NCOA7: variants seen among roughly 807,000 people sequenced by gnomAD.
NCOA7 encodes the protein 140 kDa estrogen receptor-associated protein.
A neutral mutation model predicts 104.3 loss-of-function variants in NCOA7; 45 were observed. The observed-to-expected ratio is 0.43, with a 90% confidence interval of 0.34 to 0.55. The LOEUF (loss-of-function observed/expected upper bound fraction) is 0.55, where lower values mean the gene tolerates loss of function less well. Among genes scored for constraint, NCOA7 ranks in the 20% least tolerant of loss-of-function variants. The probability of loss-of-function intolerance (pLI) is 0.02; values close to 1 mark genes in which losing one functional copy is unlikely to be tolerated. For missense variants in NCOA7, 1,041 were observed against 1,119.7 expected (o/e 0.93, Z 1.00); for synonymous variants, 398 against 402.3 (o/e 0.99, Z 0.13).
chr6:125,844,039 C>T (rs1159509676), intron 2 of NCOA7, among the ~76,000 whole-genome samples: 1 of 152,178 alleles, frequency 6.6e-6, no homozygotes, highest in East Asian at 1.9e-4. Context: ...CATTTCTGGC[C>T]CCCACACTTT....
At chr6:125,864,622 T>TCAC (rs1369294580) in intron 3 of NCOA7, among the ~76,000 whole-genome samples, 1 of 135,528 alleles carries the variant, frequency 7.4e-6, no homozygotes, top group African/African-American at 3.1e-5. Context: ...TGATTGGGAT[T>TCAC]AGTGTTCTTA....
At chr6:125,854,039 A>T (rs9372828) in intron 2 of NCOA7, among the ~76,000 whole-genome samples, 44,820 of 152,094 alleles carry the variant, frequency 0.29, 8,087 homozygotes, top group East Asian at 0.49. Flanking sequence ...ATCAAATTGG[A>T]CATATGCTCA....
At chr6:125,834,697 G>T (rs985766357) in intron 2 of NCOA7, among the ~76,000 whole-genome samples, 3 of 152,186 alleles carry the variant, frequency 2.0e-5, no homozygotes, top group African/African-American at 7.2e-5. Context: ...AATTAATGCA[G>T]GTAGAGTTGA....
At chr6:125,841,512 G>A (rs1395577991) in intron 2 of NCOA7, among the ~76,000 whole-genome samples, 1 of 151,974 alleles carries the variant, frequency 6.6e-6, no homozygotes, top group Non-Finnish European at 1.5e-5. Context: ...CTTGAGAGGT[G>A]GCCATTGTTG....
chr6:125,853,906 A>G (rs973113059), intron 2 of NCOA7, among the ~76,000 whole-genome samples: 4 of 152,170 alleles, frequency 2.6e-5, no homozygotes, highest in Non-Finnish European at 5.9e-5. Flanking sequence ...GGACCTCTCT[A>G]GCCTGCCAAA....
chr6:125,842,083 T>C (rs186979039), intron 2 of NCOA7, among the ~76,000 whole-genome samples: 5 of 152,338 alleles, frequency 3.3e-5, no homozygotes, highest in Admixed American at 3.3e-4. Flanking sequence ...TAGAACATAT[T>C]CTAATTTTAT....
intron 2 of NCOA7, among the ~76,000 whole-genome samples, chr6:125,840,967 A>G (rs2128604211): frequency 8.1e-6 from 1 of 123,602 alleles, no homozygotes; most frequent in African/African-American, 3.2e-5. Flanking sequence ...AACTTGGCTC[A>G]CTGCAACCTC....
At chr6:125,873,298 C>T (rs374112758) in intron 3 of NCOA7, among the ~76,000 whole-genome samples, 7 of 152,048 alleles carry the variant, frequency 4.6e-5, no homozygotes, top group Admixed American at 3.9e-4. Context: ...TCTCCACTCC[C>T]ATTTCTTCCC....
chr6:125,815,052 G>A (rs1035833320), intron 1 of NCOA7, among the ~76,000 whole-genome samples: 4 of 152,100 alleles, frequency 2.6e-5, no homozygotes, highest in African/African-American at 9.7e-5. Flanking sequence ...GTTGTTAGTT[G>A]TGAGGAAAAT....
At chr6:125,841,065 G>A (rs1780120670) in intron 2 of NCOA7, among the ~76,000 whole-genome samples, 1 of 150,834 alleles carries the variant, frequency 6.6e-6, no homozygotes, top group Non-Finnish European at 1.5e-5. Flanking sequence ...GCTAATTTTT[G>A]TAGTTTTAGT....
rs770560956 is a variant in NCOA7 at position 125,885,141 on chromosome 6, T to C, written c.700-18T>C. ...ATTTCTGCCTGAAGTGATTCTGTCC[T>C]GTTGCTTTCTCCTGCAGGGTGTGGT... is the stretch of plus-strand genomic sequence containing the variant. On this transcript the variant is annotated intron_variant, in intron 7 of 15. Transcript: ENST00000392477. 5.0e-6 allele frequency: 8 copies of C among 1,612,502 alleles called. No individual in the cohort carries two copies. Among genetic ancestry groups the C allele is most frequent in the East Asian group, 2.2e-5 (1 of 44,860 alleles).
At chr6:125,915,629 GA>G (rs141457689) in intron 11 of NCOA7, 149 bp downstream of exon 11, 19 of 913,178 alleles carry the variant, frequency 2.1e-5, no homozygotes, top group South Asian at 3.5e-5. Context: ...TCCTCCGTTT[GA>G]AAAAAAACAC....
chr6:125,874,398 A>G (rs1297484449), intron 3 of NCOA7, among the ~76,000 whole-genome samples: 2 of 152,196 alleles, frequency 1.3e-5, no homozygotes, highest in South Asian at 2.1e-4. Flanking sequence ...TTTTGTTTTC[A>G]TTGTTATAAA....
intron 2 of NCOA7, among the ~76,000 whole-genome samples, chr6:125,836,215 T>C (rs1386871493): frequency 6.6e-6 from 1 of 152,226 alleles, no homozygotes; most frequent in Non-Finnish European, 1.5e-5. Context: ...GAAAAATTAA[T>C]TTATGAATAA....
At chr6:125,899,796 C>A (rs1310163760) in intron 10 of NCOA7, 1 of 224,832 alleles carries the variant, frequency 4.4e-6, no homozygotes, top group Non-Finnish European at 1.0e-5. Context: ...GGCAACCACC[C>A]CCCAGTAACT....
intron 11 of NCOA7, among the ~76,000 whole-genome samples, chr6:125,918,220 A>G (rs1044744538): frequency 3.3e-5 from 5 of 152,098 alleles, no homozygotes; most frequent in African/African-American, 1.2e-4. Flanking sequence ...TTGTTTCTCT[A>G]CTGTCTCCTC....
chr6:125,829,220 A>C (rs934538680), intron 2 of NCOA7, among the ~76,000 whole-genome samples: 3 of 152,162 alleles, frequency 2.0e-5, no homozygotes, highest in African/African-American at 7.2e-5. Flanking sequence ...CCTCTTTATA[A>C]TCTATGTCCA....
chr6:125,808,968 G>T (rs150629745), intron 1 of NCOA7, among the ~76,000 whole-genome samples: 383 of 152,264 alleles, frequency 2.5e-3, no homozygotes, highest in Middle Eastern at 0.01. Flanking sequence ...AATGGAATAG[G>T]AGTTGATGAG....
At chr6:125,845,042 G>A (rs974202663) in intron 2 of NCOA7, among the ~76,000 whole-genome samples, 3 of 152,214 alleles carry the variant, frequency 2.0e-5, no homozygotes, top group Non-Finnish European at 2.9e-5. Context: ...TTGGTAACTC[G>A]CCAAAGGATG....
Sources: allele counts gnomAD v4.1 joint callset (sites outside exome capture counted in the v4.1 genomes callset), GRCh38; gene constraint gnomAD v4.1.1; transcripts MANE v1.5; gene names NCBI Gene and HGNC (gene_info 2026-07-23, HGNC 2026-07-21).